Variants in PTPN14 observed in about 807,000 individuals in gnomAD.
PTPN14 encodes the protein protein tyrosine phosphatase non-receptor type 14.
In PTPN14, 53 loss-of-function variants were observed where a neutral mutation model predicts 126.8. That is an observed-to-expected ratio of 0.42 (90% confidence interval 0.34 to 0.53). The LOEUF (loss-of-function observed/expected upper bound fraction) is 0.53, where lower values mean the gene tolerates loss of function less well. Among genes scored for constraint, PTPN14 ranks in the 20% least tolerant of loss-of-function variants. The pLI, the probability that PTPN14 is intolerant of heterozygous loss-of-function variation, is 0.08. For synonymous variants in PTPN14, 630 were observed against 599.3 expected, an observed-to-expected ratio of 1.05 and a Z score of -0.75; for missense variants, 1,257 against 1,552.9, an observed-to-expected ratio of 0.81 and a Z score of 3.20.
At chr1:214,436,031 G>A (rs1035425514) in intron 3 of PTPN14, among the ~76,000 whole-genome samples, 1 of 152,140 alleles carries the variant, frequency 6.6e-6, no homozygotes, top group Admixed American at 6.5e-5. Context: ...AAGAAAATAT[G>A]TTACATATAC....
chr1:214,396,963 C>CA (rs924165741), intron 8 of PTPN14, among the ~76,000 whole-genome samples: 91 of 152,254 alleles, frequency 6.0e-4, no homozygotes, highest in African/African-American at 2.1e-3. Context: ...GTCCAAAAGT[C>CA]AAAAAATTTA....
intron 9 of PTPN14, among the ~76,000 whole-genome samples, chr1:214,394,450 C>G (rs1658829198): frequency 6.6e-6 from 1 of 152,106 alleles, no homozygotes; most frequent in Admixed American, 6.5e-5. Flanking sequence ...CTCTGTTGTC[C>G]AGGCCGGAGT....
intron 1 of PTPN14, among the ~76,000 whole-genome samples, chr1:214,490,731 G>A (rs1174825350): frequency 6.7e-6 from 1 of 150,368 alleles, no homozygotes; most frequent in East Asian, 2.0e-4. Context: ...CAGCTACTTC[G>A]GAGGCTACAG....
rs1359126609 is a variant in PTPN14, at chr1:214,375,612, T to C, written c.2907+607A>G. ...AGTGCTAAACTATGTAATACTGACA[T>C]ATAAAGGTTTGAAGTATTTGAAATA... On this transcript the variant is annotated intron_variant, in intron 15 of 18. Transcript: ENST00000366956. Among the ~76,000 whole-genome samples the C allele has an allele frequency of 3.9e-5, 6 of 152,328 alleles. No individual in the cohort carries two copies. The East Asian group carries it at 1.2e-3, about 29-fold the overall frequency.
intron 1 of PTPN14, among the ~76,000 whole-genome samples, chr1:214,479,686 C>T (rs1056718236): frequency 2.6e-5 from 4 of 152,092 alleles, no homozygotes; most frequent in African/African-American, 9.7e-5. Context: ...CTTATTAAAA[C>T]AGCTTATGTC....
At chr1:214,545,008 G>C (rs1655935525) in intron 1 of PTPN14, among the ~76,000 whole-genome samples, 1 of 152,114 alleles carries the variant, frequency 6.6e-6, no homozygotes, top group African/African-American at 2.4e-5. Flanking sequence ...CTCTGGGTCT[G>C]AATGTAACAA....
At position 214,502,024 on chromosome 1, in the gene PTPN14, C is replaced by A. The variant is rs915127944; in HGVS notation, c.-154-37067G>T. Among the ~76,000 whole-genome samples the A allele has an allele frequency of 8.2e-5, 12 of 146,986 alleles. No homozygotes were observed. The Admixed American group carries it at 8.2e-4, about 10-fold the overall frequency. ...CAGTGAGCCGAGACTGTGCCACTGC[C>A]CTCCAGCCTGGGCGACGGTGCAAGG... On this transcript the variant is annotated intron_variant, in intron 1 of 18. Transcript: ENST00000366956.
At chr1:214,402,833 G>A in intron 6 of PTPN14, 50 bp downstream of exon 6, 2 of 1,586,824 alleles carry the variant, frequency 1.3e-6, no homozygotes, top group South Asian at 1.1e-5. Context: ...TGCCCCATGG[G>A]CTGTAAACAT....
chr1:214,402,141 G>A (rs1163474737), intron 6 of PTPN14, among the ~76,000 whole-genome samples: 3 of 151,642 alleles, frequency 2.0e-5, no homozygotes, highest in Non-Finnish European at 4.4e-5. Context: ...TTATCATGAG[G>A]ATAATATTTT....
chr1:214,508,851 A>G (rs1654903166), intron 1 of PTPN14, among the ~76,000 whole-genome samples: 1 of 152,216 alleles, frequency 6.6e-6, no homozygotes, highest in Admixed American at 6.5e-5. Context: ...ATCTTCTTAT[A>G]CATCTCCATC....
chr1:214,464,204 T>A (rs1163173014), intron 2 of PTPN14, among the ~76,000 whole-genome samples: 6 of 90,716 alleles, frequency 6.6e-5, no homozygotes, highest in South Asian at 4.1e-4. Context: ...TAGAGGAAAA[T>A]ATAGAAACAA....
At chr1:214,361,887 G>A (rs1657963043) in intron 18 of PTPN14, among the ~76,000 whole-genome samples, 1 of 152,204 alleles carries the variant, frequency 6.6e-6, no homozygotes, top group Admixed American at 6.5e-5. Flanking sequence ...CTCATTGTAA[G>A]TGTCTGTGTT....
chr1:214,432,850 G>A (rs1659825343), intron 3 of PTPN14, among the ~76,000 whole-genome samples: 1 of 152,160 alleles, frequency 6.6e-6, no homozygotes, highest in South Asian at 2.1e-4. Flanking sequence ...GGCTGGTGAT[G>A]CTCTGATTCT....
chr1:214,532,798 AAGG>A lies in PTPN14; in HGVS notation c.-155+18382_-155+18384del. 3 of 863,582 alleles carry A rather than the reference AAGG, an allele frequency of 3.5e-6. No individual in the cohort carries two copies. The East Asian group carries it at 7.2e-5, about 21-fold the overall frequency. The allele number at this position is 863,582 out of a possible 1,614,324, so 53.5% of individuals were successfully genotyped here. A position where few individuals can be genotyped will look rare whatever the true frequency, so the allele number is the denominator to read the frequency against. ...GCTGGAGACAGAGATCGAGGCTCTC[AAGG>A]AGGAGCTGCTCTTCATGAAGAACCA... is the stretch of plus-strand genomic sequence containing the variant. On this transcript the variant is annotated intron_variant, in intron 1 of 18. Coordinates refer to ENST00000366956, the MANE Select transcript of PTPN14 (RefSeq NM_005401.5).
intron 11 of PTPN14, among the ~76,000 whole-genome samples, chr1:214,390,300 C>G (rs922454169): frequency 2.2e-4 from 33 of 152,122 alleles, no homozygotes; most frequent in Non-Finnish European, 1.9e-4. Flanking sequence ...CAAAATAAAA[C>G]ATAGCCTAAG....
chr1:214,487,105 C>T (rs1448125288), intron 1 of PTPN14, among the ~76,000 whole-genome samples: 1 of 152,100 alleles, frequency 6.6e-6, no homozygotes, highest in East Asian at 1.9e-4. Context: ...CTTCTTTTAA[C>T]CCAATTCCTA....
intron 1 of PTPN14, among the ~76,000 whole-genome samples, chr1:214,467,941 G>A (rs1660677404): frequency 6.6e-6 from 1 of 152,088 alleles, no homozygotes; most frequent in African/African-American, 2.4e-5. Flanking sequence ...ACAAAAATTG[G>A]GCATGAGGAG....
intron 14 of PTPN14, among the ~76,000 whole-genome samples, chr1:214,377,088 T>C (rs1658359934): frequency 6.6e-6 from 1 of 152,250 alleles, no homozygotes; most frequent in Non-Finnish European, 1.5e-5. Flanking sequence ...AGCTGCTTTC[T>C]GCTTTTCAAA....
At chr1:214,400,898 G>A (rs1658999281) in intron 7 of PTPN14, among the ~76,000 whole-genome samples, 1 of 152,194 alleles carries the variant, frequency 6.6e-6, no homozygotes, top group South Asian at 2.1e-4. Flanking sequence ...GTGCAACAGA[G>A]GGGGAACTGA....
Sources: gnomAD v4.1 joint callset for allele counts (sites outside exome capture counted in the v4.1 genomes callset) on GRCh38, gnomAD v4.1.1 for gene constraint, MANE v1.5 for transcripts, NCBI Gene and HGNC (gene_info 2026-07-23, HGNC 2026-07-21) for gene names.